STK31: variants seen among roughly 807,000 people sequenced by gnomAD.
The protein encoded by STK31 is serine/threonine kinase 31.
In STK31, 89 loss-of-function variants were observed where a neutral mutation model predicts 129.7. That is an observed-to-expected ratio of 0.69 (90% CI 0.58 to 0.82). The LOEUF (loss-of-function observed/expected upper bound fraction) is 0.82. Among genes scored for constraint, STK31 ranks in the 40% least tolerant of loss-of-function variants. STK31 has a pLI of 0.00. For synonymous variants in STK31, 448 were observed against 395.3 expected (o/e 1.13, Z -1.58); for missense variants, 1,187 against 1,176.4 (o/e 1.01, Z -0.13).
chr7:23,812,613 T>C (rs1793210365), intron 22 of STK31, among the ~76,000 whole-genome samples: 1 of 152,162 alleles, frequency 6.6e-6, no homozygotes, highest in East Asian at 1.9e-4. Flanking sequence ...TAGTGTAATT[T>C]TGAACAGTGT....
At chr7:23,770,856 T>C in intron 13 of STK31, 149 bp from the exon 14 acceptor site, 3 of 817,744 alleles carry the variant, frequency 3.7e-6, no homozygotes, top group Non-Finnish European at 5.5e-6. Context: ...ATCTTCTGAC[T>C]AGGAAAACAT....
chr7:23,735,997 A>G (rs1273140141), intron 7 of STK31, 101 bp downstream of exon 7: 5 of 920,172 alleles, frequency 5.4e-6, no homozygotes, highest in Non-Finnish European at 8.0e-6. Flanking sequence ...TTACTGTGTC[A>G]GTGATTTTAA....
chr7:23,715,824 T>C (rs967039419), intron 3 of STK31, among the ~76,000 whole-genome samples: 8 of 152,194 alleles, frequency 5.3e-5, no homozygotes, highest in African/African-American at 1.4e-4. Flanking sequence ...TCTAGCATTA[T>C]TGAATATTTT....
intron 22 of STK31, among the ~76,000 whole-genome samples, chr7:23,810,743 A>AC (rs1793057704): frequency 7.5e-6 from 1 of 134,080 alleles, no homozygotes; most frequent in Non-Finnish European, 1.6e-5. Context: ...TATATATAAA[A>AC]TAGATATATA....
chr7:23,812,883 A>G (rs1312990122), intron 22 of STK31, among the ~76,000 whole-genome samples: 1 of 152,136 alleles, frequency 6.6e-6, no homozygotes, highest in Non-Finnish European at 1.5e-5. Context: ...TGTTGTATGC[A>G]TGTGTGTGTA....
intron 11 of STK31, among the ~76,000 whole-genome samples, chr7:23,765,291 C>T (rs1172182637): frequency 1.3e-5 from 2 of 152,034 alleles, no homozygotes; most frequent in Non-Finnish European, 2.9e-5. Context: ...TGAGCTCAGG[C>T]AGTCTACCCA....
intron 14 of STK31, 182 bp from the exon 15 acceptor site, chr7:23,771,965 T>C (rs919883521): frequency 7.3e-6 from 3 of 411,482 alleles, no homozygotes; most frequent in Admixed American, 4.5e-5. Context: ...TTCTTCTAAA[T>C]AGAAACATGG....
At chr7:23,767,624 G>C (rs1408130804) in intron 11 of STK31, among the ~76,000 whole-genome samples, 1 of 152,176 alleles carries the variant, frequency 6.6e-6, no homozygotes, top group Non-Finnish European at 1.5e-5. Context: ...AGAATGGTCA[G>C]GGGCTGGCCA....
Position 23,769,770 on chromosome 7 carries a change from T to A in STK31, c.1713+14T>A, listed in dbSNP as rs781727754. 1 of 1,501,812 alleles carries A rather than the reference T, an allele frequency of 6.7e-7. No individual in the cohort carries two copies. Among genetic ancestry groups the A allele is most frequent in the African/African-American group, 1.4e-5 (1 of 72,448 alleles). The allele number at this position is 1,501,812 out of a possible 1,614,324, so 93.0% of individuals were successfully genotyped here. On this transcript the variant is annotated intron_variant, in intron 13 of 23. Coordinates refer to ENST00000355870, the MANE Select transcript of STK31 (RefSeq NM_031414.5). ...ATAGCTCTGGTTGTGAGTATCGATA[T>A]TCTTTATTATTGCCTCCTTTGAAGC...
At chr7:23,782,496 A>G (rs1489510414) in intron 16 of STK31, among the ~76,000 whole-genome samples, 1 of 151,420 alleles carries the variant, frequency 6.6e-6, no homozygotes. Context: ...AAAAAAAGAA[A>G]AGAAAAGAAA....
chr7:23,781,531 G>T lies in STK31; in HGVS notation c.2067+11G>T. 6.3e-7 allele frequency: 1 copy of T among 1,584,324 alleles called. No individual in the cohort carries two copies. Among genetic ancestry groups the T allele is most frequent in the South Asian group, 1.1e-5 (1 of 87,228 alleles). Reference sequence around the variant, plus strand: ...GAGAGAGAGGAATATGTAAGTATTTGGTTCTTTGAAGTTTTACATTAGGTT... The same window carrying T: ...GAGAGAGAGGAATATGTAAGTATTTTGTTCTTTGAAGTTTTACATTAGGTT... On this transcript the variant is annotated intron_variant, in intron 16 of 23. Transcript: ENST00000355870.
chr7:23,823,245 A>G (rs201625557), intron 23 of STK31, among the ~76,000 whole-genome samples: 18 of 151,946 alleles, frequency 1.2e-4, no homozygotes, highest in African/African-American at 4.4e-4. Context: ...TCTCCACATC[A>G]TCTCCAGCAC....
intron 22 of STK31, among the ~76,000 whole-genome samples, chr7:23,799,714 G>T (rs944509278): frequency 2.0e-5 from 3 of 152,194 alleles, no homozygotes; most frequent in African/African-American, 7.2e-5. Flanking sequence ...AAAAGCACTG[G>T]CAACAAATGC....
At chr7:23,830,353 T>A (rs73086986) in intron 23 of STK31, among the ~76,000 whole-genome samples, 20,976 of 152,140 alleles carry the variant, frequency 0.14, 2,383 homozygotes, top group African/African-American at 0.31. Flanking sequence ...TTATTTGTAA[T>A]CTTACTCCTT....
chr7:23,784,418 T>C (rs1231434921), intron 17 of STK31, among the ~76,000 whole-genome samples: 3 of 152,192 alleles, frequency 2.0e-5, no homozygotes, highest in African/African-American at 7.2e-5. Context: ...GACTAGACTT[T>C]AAAATGATGT....
chr7:23,813,190 T>G (rs1301182016), intron 22 of STK31, among the ~76,000 whole-genome samples: 1 of 151,692 alleles, frequency 6.6e-6, no homozygotes, highest in East Asian at 1.9e-4. Flanking sequence ...TCATTTCAAT[T>G]TATCCCATCC....
intron 3 of STK31, among the ~76,000 whole-genome samples, chr7:23,713,555 A>G (rs1638655061): frequency 6.6e-6 from 1 of 152,218 alleles, no homozygotes; most frequent in South Asian, 2.1e-4. Flanking sequence ...CTTAAAACAA[A>G]CATTGTAGAG....
intron 22 of STK31, among the ~76,000 whole-genome samples, chr7:23,795,223 G>C (rs551190052): frequency 6.6e-6 from 1 of 152,306 alleles, no homozygotes; most frequent in East Asian, 1.9e-4. Flanking sequence ...CAGACATGGT[G>C]CCCTGTGTCC....
At chr7:23,811,080 G>A (rs1793104552) in intron 22 of STK31, 2 of 163,218 alleles carry the variant, frequency 1.2e-5, no homozygotes, top group South Asian at 3.3e-4. Flanking sequence ...GTGTTGTGTA[G>A]ATGATAAGCA....
Sources: allele counts gnomAD v4.1 joint callset (sites outside exome capture counted in the v4.1 genomes callset), GRCh38; gene constraint gnomAD v4.1.1; transcripts MANE v1.5; gene names NCBI Gene and HGNC (gene_info 2026-07-23, HGNC 2026-07-21).